The following SOX13 variants were observed in gnomAD, a reference collection of about 807,000 sequenced individuals.
SOX13 encodes the protein SRY-box transcription factor 13.
Under a neutral mutation model 71.8 loss-of-function variants are expected in SOX13, and 28 were observed. The ratio of observed to expected loss-of-function variants is 0.39; its 90% CI spans 0.29 to 0.53. SOX13 has a LOEUF of 0.53. Among genes scored for constraint, SOX13 ranks in the 20% least tolerant of loss-of-function variants. The pLI is 0.70. For missense variants in SOX13, 627 were observed against 810.3 expected, an observed-to-expected ratio of 0.77 and a Z score of 2.75; for synonymous variants, 309 against 317.8, an observed-to-expected ratio of 0.97 and a Z score of 0.29.
At chr1:204,115,627 A>G (rs1371578746) in intron 4 of SOX13, among the ~76,000 whole-genome samples, 1 of 148,906 alleles carries the variant, frequency 6.7e-6, no homozygotes, top group Non-Finnish European at 1.5e-5. Context: ...TCCTGGACTA[A>G]GAGCTTTGCA....
Position 204,112,941 on chromosome 1 carries a change from C to T in SOX13, c.26C>T (p.Ala9Val), listed in dbSNP as rs1000091872. The T allele has an allele frequency of 5.0e-6, 8 of 1,613,582 alleles. No individual in the cohort carries two copies. In the African/African-American group the frequency reaches 1.1e-4, roughly 22 times the overall value. Residue 9 changes from alanine to valine, a missense_variant, in exon 2 of 14, where the codon GCC becomes GTC. This residue lies in a region of SOX13 where 447 missense variants were observed against 532.2 expected (regional missense o/e 0.84). Coordinates refer to ENST00000367204, the MANE Select transcript of SOX13 (RefSeq NM_005686.3). ...ATGTCCATGAGGAGCCCCATCTCTG[C>T]CCAGCTGGCCCTGGATGGCGTTGGC... The part of the protein sequence containing the change: MSMRSPIS[A>V]QLALDGVGTM...
intron 1 of SOX13, among the ~76,000 whole-genome samples, chr1:204,095,268 G>A (rs1303541015): frequency 2.0e-5 from 3 of 152,166 alleles, no homozygotes; most frequent in Non-Finnish European, 4.4e-5. Context: ...TGATTTTAGG[G>A]GAAGACTAAA....
At chr1:204,094,688 T>C (rs1046427284) in intron 1 of SOX13, among the ~76,000 whole-genome samples, 3 of 152,218 alleles carry the variant, frequency 2.0e-5, no homozygotes, top group African/African-American at 7.2e-5. Context: ...CCATCAGCTC[T>C]TCCTGCACTC....
Position 204,124,181 on chromosome 1 carries a change from G to A in SOX13, c.1375+377G>A, listed in dbSNP as rs539654684. On this transcript the variant is annotated intron_variant, in intron 12 of 13. Coordinates refer to ENST00000367204, the MANE Select transcript of SOX13 (RefSeq NM_005686.3). ...TTTTAAATTATATGTCCTGATTGGT[G>A]GCCACGGAGGGATGTTGGGCAGGGC... is the stretch of plus-strand genomic sequence containing the variant. Among the ~76,000 whole-genome samples, 4 of 152,280 alleles carry A rather than the reference G, an allele frequency of 2.6e-5. No individual in the cohort carries two copies. The South Asian group carries it at 8.3e-4, about 32-fold the overall frequency.
At chr1:204,084,668 TCTC>T (rs1249734335) in intron 1 of SOX13, among the ~76,000 whole-genome samples, 3 of 152,042 alleles carry the variant, frequency 2.0e-5, no homozygotes, top group African/African-American at 7.2e-5. Flanking sequence ...GGGCCTCTTG[TCTC>T]CTCCTCCCTG....
intron 2 of SOX13, 117 bp downstream of exon 2, chr1:204,113,251 C>A: frequency 1.1e-6 from 1 of 882,464 alleles, no homozygotes; most frequent in Non-Finnish European, 1.7e-6. Context: ...AGTGGTGATC[C>A]TAGGGGTAAG....
At chr1:204,117,073 C>T in intron 5 of SOX13, 49 bp from the exon 6 acceptor site, 1 of 1,583,678 alleles carries the variant, frequency 6.3e-7, no homozygotes, top group Non-Finnish European at 8.7e-7. Context: ...AGACTGGGCA[C>T]CAGGGCTAAT....
rs144862530 is a variant in SOX13 at position 204,121,124 on chromosome 1, C to T, written c.776-776C>T. On this transcript the variant is annotated intron_variant, in intron 7 of 13. Transcript: ENST00000367204. ...CCTCCTGAATATCTGGGATTACAGG[C>T]GCGTGCCACCGCACCCGGCTAATTT... Among the ~76,000 whole-genome samples the T allele has an allele frequency of 7.9e-3, 1,205 of 152,116 alleles. 10 individuals are homozygous for T. The highest frequency in any genetic ancestry group is 0.043 in the South Asian group (206 of 4,808).
At chr1:204,104,614 ATC>A (rs1378766090) in intron 1 of SOX13, among the ~76,000 whole-genome samples, 1 of 152,148 alleles carries the variant, frequency 6.6e-6, no homozygotes, top group Non-Finnish European at 1.5e-5. Context: ...TGCTGCATGG[ATC>A]TCTTTCCCTG....
intron 7 of SOX13, among the ~76,000 whole-genome samples, chr1:204,121,681 G>A (rs952601738): frequency 2.0e-5 from 3 of 152,116 alleles, no homozygotes; most frequent in East Asian, 1.9e-4. Flanking sequence ...TGGGAAGGGC[G>A]GGAACCCAGT....
rs926395964 is a variant in SOX13, at chr1:204,081,805, A to G, written c.-2+8094A>G. On this transcript the variant is annotated intron_variant, in intron 1 of 13. Transcript: ENST00000367204. The surrounding 1 kb of genome is among the most constrained non-coding windows in gnomAD (Gnocchi z 4.3). Reference sequence around the variant, plus strand: ...CCCCACCCTCCAGCCCTACTGAAGGAGTCTGAAGTCACTCAACCATCCTTG... The same window carrying G: ...CCCCACCCTCCAGCCCTACTGAAGGGGTCTGAAGTCACTCAACCATCCTTG... Among the ~76,000 whole-genome samples, 3 of 148,788 alleles carry G rather than the reference A, an allele frequency of 2.0e-5. No individual in the cohort carries two copies. Among genetic ancestry groups the G allele is most frequent in the Non-Finnish European group, 4.5e-5 (3 of 67,174 alleles).
intron 1 of SOX13, among the ~76,000 whole-genome samples, chr1:204,097,008 G>A (rs948002193): frequency 5.3e-5 from 8 of 152,124 alleles, no homozygotes; most frequent in Non-Finnish European, 1.5e-5. Context: ...AGCCCCTTGG[G>A]CCCAGGCTTT....
Position 204,126,500 on chromosome 1 carries a change from G to T in SOX13, c.*366G>T. ...GGTCACATGCTTTGTTTCCATTCTT[G>T]TCCTGGCTGGACCAGCCACTGTGGG... On this transcript the variant is annotated 3_prime_UTR_variant, in exon 14 of 14. Transcript: ENST00000367204. 3.7e-6 allele frequency: 1 copy of T among 268,998 alleles called. No individual in the cohort carries two copies. The highest frequency in any genetic ancestry group is 7.2e-6 in the Non-Finnish European group (1 of 139,278). 16.7% of individuals were successfully genotyped at this position (268,998 alleles called of 1,614,324 possible). A position where few individuals can be genotyped will look rare whatever the true frequency, so the allele number is the denominator to read the frequency against.
At chr1:204,113,221 T>G in intron 2 of SOX13, 87 bp downstream of exon 2, 1 of 1,090,616 alleles carries the variant, frequency 9.2e-7, no homozygotes. Context: ...CTCCCCTAGA[T>G]GGCAGCAGAT....
At chr1:204,080,038 G>A (rs1257489495) in intron 1 of SOX13, among the ~76,000 whole-genome samples, 3 of 152,212 alleles carry the variant, frequency 2.0e-5, no homozygotes, top group Non-Finnish European at 4.4e-5. Context: ...TCAGCCAGGG[G>A]TGTTTTTTGG....
intron 7 of SOX13, among the ~76,000 whole-genome samples, chr1:204,120,855 GAGA>G (rs1558221871): frequency 6.6e-6 from 1 of 152,150 alleles, no homozygotes; most frequent in African/African-American, 2.4e-5. Flanking sequence ...GTGCCATGTC[GAGA>G]AGAAGGAAAG....
At chr1:204,076,462 C>T (rs1181379638) in intron 1 of SOX13, among the ~76,000 whole-genome samples, 2 of 152,158 alleles carry the variant, frequency 1.3e-5, no homozygotes, top group Non-Finnish European at 2.9e-5. Flanking sequence ...CTTGGGTAGA[C>T]TGGATGTGGG....
chr1:204,075,697 G>A lies in SOX13; in HGVS notation c.-2+1986G>A, dbSNP rs150855079. On this transcript the variant is annotated intron_variant, in intron 1 of 13. Transcript: ENST00000367204. ...CTGGAGTTAGATCCCGGATGCCACT[G>A]GCGGTGTGACTCTGGGCAATTTAAC... Among the ~76,000 whole-genome samples the A allele has an allele frequency of 2.0e-5, 3 of 152,294 alleles. No homozygotes were observed. The East Asian group carries it at 5.8e-4, about 29-fold the overall frequency.
rs551702038 is a variant in SOX13, at chr1:204,107,122, G to A, written c.-1-5793G>A. 7.2e-5 allele frequency among the ~76,000 whole-genome samples: 11 copies of A among 152,278 alleles called. No homozygotes were observed. The South Asian group carries it at 1.9e-3, about 26-fold the overall frequency. ...TGACTCTCAGAGCATCCTGGACTGCGCACAACTTACAGAATAGATATTCAC... is the reference window on the plus strand; with the variant it reads ...TGACTCTCAGAGCATCCTGGACTGCACACAACTTACAGAATAGATATTCAC... On this transcript the variant is annotated intron_variant, in intron 1 of 13. Coordinates refer to ENST00000367204, the MANE Select transcript of SOX13 (RefSeq NM_005686.3).
Sources: gnomAD v4.1 joint callset for allele counts (sites outside exome capture counted in the v4.1 genomes callset) on GRCh38, gnomAD v4.1.1 for gene constraint, gnomAD v4.1.1 regional missense constraint, Gnocchi (gnomAD v3.1) non-coding constraint, MANE v1.5 for transcripts, NCBI Gene and HGNC (gene_info 2026-07-23, HGNC 2026-07-21) for gene names.